CAMSAP2: variants seen among roughly 807,000 people sequenced by gnomAD.
CAMSAP2 encodes calmodulin regulated spectrin associated protein family member 2, also known as calmodulin-regulated spectrin-associated protein 2.
A neutral mutation model predicts 146.1 loss-of-function variants in CAMSAP2; 26 were observed. That is an observed-to-expected ratio of 0.18 (90% CI 0.13 to 0.25). The LOEUF is 0.25. CAMSAP2 is among the 10% of genes least tolerant of loss of function. CAMSAP2 has a pLI of 1.00. For missense variants in CAMSAP2, 1,381 were observed against 1,759.3 expected (o/e 0.78, Z 3.85); for synonymous variants, 499 against 596.6 (o/e 0.84, Z 2.38).
At chr1:200,808,338 GTAGT>G (rs1666236933) in intron 3 of CAMSAP2, among the ~76,000 whole-genome samples, 1 of 152,158 alleles carries the variant, frequency 6.6e-6, no homozygotes, top group Non-Finnish European at 1.5e-5. Context: ...GCCAATTTGA[GTAGT>G]TAATTTGTCT....
At chr1:200,756,549 CA>C (rs1318363344) in intron 1 of CAMSAP2, among the ~76,000 whole-genome samples, 1 of 152,038 alleles carries the variant, frequency 6.6e-6, no homozygotes, top group Non-Finnish European at 1.5e-5. Flanking sequence ...TCTCAAAGCC[CA>C]AATTTTTCCA....
At chr1:200,792,610 G>A (rs1243049159) in intron 2 of CAMSAP2, among the ~76,000 whole-genome samples, 9 of 152,168 alleles carry the variant, frequency 5.9e-5, no homozygotes, top group African/African-American at 9.7e-5. Flanking sequence ...GCACCACTGC[G>A]CTCCAGCCTG....
In CAMSAP2 at chr1:200,843,377, G is replaced by C. The variant is rs142664816; in HGVS notation, c.1021+1290G>C. ...AAATCTGTGAAATAAGCAATAATTA[G>C]AGTATTGCTAAGCTTCTTAAGGCAG... is the stretch of plus-strand genomic sequence containing the variant. On this transcript the variant is annotated intron_variant, in intron 7 of 16. Transcript: ENST00000358823. Among the ~76,000 whole-genome samples, 771 of 152,262 alleles carry C rather than the reference G, an allele frequency of 5.1e-3. 10 individuals carry two copies. Among genetic ancestry groups the C allele is most frequent in the African/African-American group, 0.018 (741 of 41,552 alleles).
intron 6 of CAMSAP2, 73 bp from the exon 7 acceptor site, chr1:200,841,921 T>C: frequency 9.2e-7 from 1 of 1,082,506 alleles, no homozygotes; most frequent in Non-Finnish European, 1.4e-6. Context: ...TAAACCTATA[T>C]TTTAAAACAA....
intron 2 of CAMSAP2, among the ~76,000 whole-genome samples, chr1:200,773,318 A>G (rs1409799378): frequency 6.6e-6 from 1 of 151,432 alleles, no homozygotes; most frequent in Non-Finnish European, 1.5e-5. Context: ...CAGTGGTGTG[A>G]TCTCGGCTTA....
At chr1:200,835,811 T>G (rs1476178874) in intron 6 of CAMSAP2, among the ~76,000 whole-genome samples, 8 of 152,172 alleles carry the variant, frequency 5.3e-5, no homozygotes, top group Non-Finnish European at 5.9e-5. Flanking sequence ...AGCTAAAAAT[T>G]TAAATGCTAC....
intron 1 of CAMSAP2, among the ~76,000 whole-genome samples, chr1:200,753,364 C>A (rs575618640): frequency 2.2e-4 from 33 of 151,778 alleles, no homozygotes; most frequent in African/African-American, 8.0e-4. Context: ...AAGCCCCTTC[C>A]TTAGGCATTG....
At chr1:200,813,026 A>G (rs1666378487) in intron 3 of CAMSAP2, among the ~76,000 whole-genome samples, 1 of 152,188 alleles carries the variant, frequency 6.6e-6, no homozygotes, top group Non-Finnish European at 1.5e-5. Context: ...AAATTGTCTT[A>G]GTCTGTTTGG....
chr1:200,770,537 CT>C (rs1665087586), intron 2 of CAMSAP2, among the ~76,000 whole-genome samples: 1 of 151,950 alleles, frequency 6.6e-6, no homozygotes, highest in Non-Finnish European at 1.5e-5. Flanking sequence ...CCTCAGTCTC[CT>C]GAATAGCTGG....
chr1:200,860,061 TTG>T lies in CAMSAP2; in HGVS notation c.*2010_*2011del, dbSNP rs1255320876. 1 of 152,714 alleles carries T rather than the reference TTG, an allele frequency of 6.5e-6. No homozygotes were observed. Among genetic ancestry groups the T allele is most frequent in the African/African-American group, 2.4e-5 (1 of 41,452 alleles). The allele number at this position is 152,714 out of a possible 1,614,324, so 9.5% of individuals were successfully genotyped here. A position where few individuals can be genotyped will look rare whatever the true frequency, so the allele number is the denominator to read the frequency against. On this transcript the variant is annotated 3_prime_UTR_variant, in exon 17 of 17. Coordinates refer to ENST00000358823, the MANE Select transcript of CAMSAP2 (RefSeq NM_203459.4). ...ACAGGACCACCCTTTATTCTTAAAT[TTG>T]TGTGTGTCCAACAGTTGAATTGAAT...
At chr1:200,792,964 G>C (rs1490210363) in intron 2 of CAMSAP2, among the ~76,000 whole-genome samples, 1 of 152,140 alleles carries the variant, frequency 6.6e-6, no homozygotes, top group East Asian at 1.9e-4. Flanking sequence ...AGTTGTGTTT[G>C]AACTTACAAT....
chr1:200,794,022 C>T (rs1665820312), intron 2 of CAMSAP2, among the ~76,000 whole-genome samples: 2 of 152,156 alleles, frequency 1.3e-5, no homozygotes, highest in Admixed American at 6.5e-5. Context: ...TACTTGTAAA[C>T]ATAGTTTTCT....
At chr1:200,852,454 C>T in intron 11 of CAMSAP2, 87 bp from the exon 12 acceptor site, 1 of 1,462,562 alleles carries the variant, frequency 6.8e-7, no homozygotes, top group Non-Finnish European at 9.3e-7. Flanking sequence ...AGTTATAGGA[C>T]TAACCACAAA....
chr1:200,780,871 T>G (rs1235872771), intron 2 of CAMSAP2, among the ~76,000 whole-genome samples: 1 of 152,244 alleles, frequency 6.6e-6, no homozygotes, highest in African/African-American at 2.4e-5. Context: ...CTTTTTCTTT[T>G]CTGTTTCTCA....
chr1:200,817,153 CACAT>C (rs201012795), intron 4 of CAMSAP2, among the ~76,000 whole-genome samples: 2,206 of 114,124 alleles, frequency 0.019, 27 homozygotes, highest in Non-Finnish European at 0.026. Flanking sequence ...TACACATACA[CACAT>C]ACACACACGT....
chr1:200,813,095 C>T (rs1474658282), intron 3 of CAMSAP2, among the ~76,000 whole-genome samples: 1 of 152,198 alleles, frequency 6.6e-6, no homozygotes, highest in Non-Finnish European at 1.5e-5. Flanking sequence ...ATTCATTGCT[C>T]ATAGTTCTGA....
At chr1:200,780,227 T>G (rs1356194647) in intron 2 of CAMSAP2, among the ~76,000 whole-genome samples, 1 of 152,238 alleles carries the variant, frequency 6.6e-6, no homozygotes, top group African/African-American at 2.4e-5. Context: ...TAAAGGATCC[T>G]TATGTGACAT....
intron 1 of CAMSAP2, among the ~76,000 whole-genome samples, chr1:200,751,400 G>A (rs1050823036): frequency 7.9e-5 from 12 of 151,800 alleles, no homozygotes; most frequent in African/African-American, 2.9e-4. Context: ...GCTGGGTGTG[G>A]TGGTGGGCAC....
At chr1:200,766,921 G>A (rs1664970044) in intron 2 of CAMSAP2, among the ~76,000 whole-genome samples, 4 of 152,188 alleles carry the variant, frequency 2.6e-5, no homozygotes, top group Admixed American at 2.6e-4. Flanking sequence ...TAAAGGTTAT[G>A]TTAATTCCAT....
Sources: allele counts gnomAD v4.1 joint callset (sites outside exome capture counted in the v4.1 genomes callset), GRCh38; gene constraint gnomAD v4.1.1; transcripts MANE v1.5; gene names NCBI Gene and HGNC (gene_info 2026-07-23, HGNC 2026-07-21).